SH3BP2: variants seen among roughly 807,000 people sequenced by gnomAD.
SH3BP2 encodes the protein SH3 domain binding protein 2.
SH3BP2 carries 38 observed loss-of-function variants against 56.2 expected under a neutral mutation model. The ratio of observed to expected loss-of-function variants is 0.68; its 90% CI spans 0.52 to 0.89. The LOEUF is 0.89. SH3BP2 is among the 40% of genes least tolerant of loss of function. SH3BP2 has a pLI of 0.00. For missense variants in SH3BP2, 748 were observed against 762.6 expected (o/e 0.98, Z 0.23); for synonymous variants, 346 against 316.7 (o/e 1.09, Z -0.98).
chr4:2,830,277 A>C, intron 8 of SH3BP2, 130 bp downstream of exon 8: 11 of 895,138 alleles, frequency 1.2e-5, no homozygotes, highest in Non-Finnish European at 1.8e-5. Context: ...GTGCAAGGGT[A>C]GGAAGGTTCC....
At chr4:2,824,847 C>A in intron 4 of SH3BP2, 117 bp downstream of exon 4, 1 of 830,514 alleles carries the variant, frequency 1.2e-6, no homozygotes, top group Non-Finnish European at 2.0e-6. Flanking sequence ...CAGCCCCGGG[C>A]AAAGAGAAGG....
intron 2 of SH3BP2, 84 bp from the exon 3 acceptor site, chr4:2,822,851 A>C: frequency 9.8e-7 from 1 of 1,017,158 alleles, no homozygotes. Context: ...GCCTGGCCCC[A>C]AGTTGTCCTG....
intron 10 of SH3BP2, 139 bp from the exon 11 acceptor site, chr4:2,832,192 C>A: frequency 1.0e-6 from 1 of 990,702 alleles, no homozygotes; most frequent in Non-Finnish European, 1.6e-6. Context: ...CTGTCAGCCT[C>A]ACGGCAGCCC....
chr4:2,808,784 A>G (rs1232631638), intron 1 of SH3BP2, among the ~76,000 whole-genome samples: 1 of 87,122 alleles, frequency 1.1e-5, no homozygotes, highest in Non-Finnish European at 2.3e-5. Context: ...CCACCCTCCT[A>G]GGGCTCAGTG....
intron 1 of SH3BP2, among the ~76,000 whole-genome samples, chr4:2,794,476 T>C (rs922913966): frequency 3.9e-5 from 6 of 152,200 alleles, no homozygotes; most frequent in Non-Finnish European, 2.9e-5. Context: ...ACAGGAGGCC[T>C]GGGACGAGGG....
intron 1 of SH3BP2, among the ~76,000 whole-genome samples, chr4:2,820,313 G>A (rs1724230626): frequency 6.6e-6 from 1 of 152,166 alleles, no homozygotes; most frequent in Non-Finnish European, 1.5e-5. Context: ...GGGGCCTTGC[G>A]CTCAGTGGCT....
At chr4:2,802,402 ATATGTG>A (rs1306179239) in intron 1 of SH3BP2, among the ~76,000 whole-genome samples, 1,720 of 100,466 alleles carry the variant, frequency 0.017, 31 homozygotes, top group African/African-American at 0.052. Flanking sequence ...TCAAAAAAAT[ATATGTG>A]TGTGTGTGTG....
At chr4:2,793,619 G>C (rs1056155990) in intron 1 of SH3BP2, 5 of 151,802 alleles carry the variant, frequency 3.3e-5, no homozygotes, top group Non-Finnish European at 2.9e-5. Context: ...GCCCCTTTAC[G>C]CGACCCTCCC....
intron 1 of SH3BP2, among the ~76,000 whole-genome samples, chr4:2,817,526 G>A (rs1226890431): frequency 1.3e-5 from 2 of 152,234 alleles, no homozygotes; most frequent in East Asian, 3.9e-4. Context: ...CAGGCTGTTA[G>A]AGCCACACCT....
At chr4:2,818,923 T>A (rs1724151143) in intron 1 of SH3BP2, 1 of 984,036 alleles carries the variant, frequency 1.0e-6, no homozygotes, top group Admixed American at 6.1e-5. Context: ...AGAGTATTTT[T>A]CTTTTTATTT....
Position 2,830,034 on chromosome 4 carries a change from CTT to C in SH3BP2, c.1130_1131del (p.Phe377CysfsTer17), listed in dbSNP as rs773770492. On this transcript the variant is annotated frameshift_variant, in exon 8 of 13. Coordinates refer to ENST00000503393, the MANE Select transcript of SH3BP2 (RefSeq NM_001122681.2). LOFTEE classifies it high-confidence loss of function. ...PPREAAMPGLFVPPVAPRPPA... is the reference protein window; with the variant it reads ...PPREAAMPGLXVPPVAPRPPA... ...CAAGGGAGGCAGCCATGCCCGGACT[CTT>C]TGTGCCCCCCGTGGCTCCCCGGCCT... The C allele has an allele frequency of 6.2e-7, 1 of 1,612,816 alleles. No homozygotes were observed. Among genetic ancestry groups the C allele is most frequent in the South Asian group, 1.1e-5 (1 of 91,084 alleles).
chr4:2,832,434 C>T, intron 11 of SH3BP2, 22 bp downstream of exon 11: 6 of 1,595,252 alleles, frequency 3.8e-6, no homozygotes, highest in Middle Eastern at 1.7e-4. Flanking sequence ...GGGAAGATGC[C>T]CCAGGGCCCC....
chr4:2,835,235 C>T lies in SH3BP2; in HGVS notation c.*1401C>T, dbSNP rs886059363. The stretch of plus-strand genomic sequence containing the variant: ...GGAGAAGGTCCTGCAGCCCCCTTCC[C>T]CTGGGTGTGTTCTGGGGACCTGTGG... On this transcript the variant is annotated 3_prime_UTR_variant, in exon 13 of 13. Coordinates refer to ENST00000503393, the MANE Select transcript of SH3BP2 (RefSeq NM_001122681.2). 2.0e-5 allele frequency: 3 copies of T among 152,308 alleles called. No homozygotes were observed. Among genetic ancestry groups the T allele is most frequent in the African/African-American group, 4.8e-5 (2 of 41,436 alleles). 9.4% of individuals were successfully genotyped at this position (152,308 alleles called of 1,614,324 possible). A position where few individuals can be genotyped will look rare whatever the true frequency, so the allele number is the denominator to read the frequency against.
In SH3BP2 at chr4:2,829,821, G is replaced by A. The variant is rs199651903; in HGVS notation, c.915G>A (p.Pro305=). The change falls in exon 8 of 13, where the codon CCG becomes CCA. Residue 305 remains proline (P), a synonymous_variant. Coordinates refer to ENST00000503393, the MANE Select transcript of SH3BP2 (RefSeq NM_001122681.2). The surrounding 1 kb of genome is among the most constrained non-coding windows in gnomAD (Gnocchi z 4.9). ...TCCGGGAGAGTGCCAGCCCCAGCCC[G>A]GAGCCCTGGACCCCTGGCCACGGGG... is the stretch of plus-strand genomic sequence containing the variant. ...PCFRESASPS[P]EPWTPGHGAC... is the part of the protein sequence containing the mutation. 3.7e-6 allele frequency: 6 copies of A among 1,613,332 alleles called. No individual in the cohort carries two copies. Among genetic ancestry groups the A allele is most frequent in the Admixed American group, 1.7e-5 (1 of 60,012 alleles).
intron 1 of SH3BP2, among the ~76,000 whole-genome samples, chr4:2,814,322 G>A (rs891247412): frequency 3.9e-5 from 6 of 152,274 alleles, no homozygotes; most frequent in African/African-American, 1.2e-4. Context: ...ACCCGATGGG[G>A]TGTCTCTGTG....
rs1042447181 is a variant in SH3BP2 at position 2,814,557 on chromosome 4, C to T, written c.-4-6057C>T. 3.3e-5 allele frequency among the ~76,000 whole-genome samples: 5 copies of T among 152,226 alleles called. No individual in the cohort carries two copies. The South Asian group carries it at 6.2e-4, about 19-fold the overall frequency. ...GTACAGGCTCAAATGCAAATCTCCA[C>T]GTGTGCACACATGCAAAGATCACAT... On this transcript the variant is annotated intron_variant, in intron 1 of 12. Transcript: ENST00000503393.
intron 1 of SH3BP2, 131 bp from the exon 2 acceptor site, chr4:2,820,483 G>A: frequency 2.5e-6 from 3 of 1,195,034 alleles, no homozygotes; most frequent in Non-Finnish European, 1.2e-6. Context: ...CAGAAAAGGG[G>A]TTTCCTTGCC....
intron 1 of SH3BP2, among the ~76,000 whole-genome samples, chr4:2,801,247 G>A (rs538838305): frequency 7.2e-5 from 11 of 152,010 alleles, no homozygotes; most frequent in Non-Finnish European, 1.3e-4. Context: ...GTGGAGCGTT[G>A]TGAGGGGCCT....
intron 1 of SH3BP2, among the ~76,000 whole-genome samples, chr4:2,814,246 C>T (rs971596531): frequency 3.3e-5 from 5 of 152,228 alleles, no homozygotes; most frequent in Admixed American, 6.5e-5. Flanking sequence ...CAGGCCATGA[C>T]CACACACGCC....
Sources: allele counts gnomAD v4.1 joint callset (sites outside exome capture counted in the v4.1 genomes callset), GRCh38; gene constraint gnomAD v4.1.1; non-coding constraint Gnocchi (gnomAD v3.1); transcripts MANE v1.5; gene names NCBI Gene and HGNC (gene_info 2026-07-23, HGNC 2026-07-21).